NKAIN3: variants seen among roughly 807,000 people sequenced by gnomAD.
NKAIN3 encodes sodium/potassium-transporting ATPase subunit beta-1-interacting protein 3.
In NKAIN3, 25 loss-of-function variants were observed where a neutral mutation model predicts 30.2. The observed-to-expected ratio is 0.83, with a 90% confidence interval of 0.60 to 1.16. The LOEUF (loss-of-function observed/expected upper bound fraction) is 1.16, where lower values mean the gene tolerates loss of function less well. NKAIN3 is among the 50% of genes most tolerant of loss of function. NKAIN3 has a pLI of 0.00. For synonymous variants in NKAIN3, 91 were observed against 89.6 expected (o/e 1.02, Z -0.09); for missense variants, 225 against 254.1 (o/e 0.89, Z 0.78).
intron 1 of NKAIN3, among the ~76,000 whole-genome samples, chr8:62,375,759 T>A (rs4366075): frequency 0.14 from 20,866 of 152,202 alleles, 1,732 homozygotes; most frequent in East Asian, 0.4. Context: ...TTAAAATGCT[T>A]AATTTACATG....
At chr8:62,560,786 C>T (rs1259907737) in intron 1 of NKAIN3, among the ~76,000 whole-genome samples, 3 of 151,900 alleles carry the variant, frequency 2.0e-5, no homozygotes, top group African/African-American at 4.8e-5. Context: ...GGTAATACAC[C>T]CGTCTCGGCC....
intron 5 of NKAIN3, among the ~76,000 whole-genome samples, chr8:62,951,201 C>T (rs1430466304): frequency 1.3e-5 from 2 of 152,024 alleles, no homozygotes; most frequent in African/African-American, 4.8e-5. Context: ...CTACCAGCAC[C>T]TCTTCCCACC....
intron 1 of NKAIN3, among the ~76,000 whole-genome samples, chr8:62,277,046 T>C (rs986735754): frequency 2.0e-5 from 3 of 152,178 alleles, no homozygotes; most frequent in African/African-American, 7.2e-5. Context: ...TTAAATTTTA[T>C]TGATCACTGG....
chr8:62,598,058 G>C (rs144017956), intron 3 of NKAIN3, among the ~76,000 whole-genome samples: 2 of 151,916 alleles, frequency 1.3e-5, no homozygotes, highest in Non-Finnish European at 2.9e-5. Context: ...ATATTCTTGG[G>C]TATCACTTGA....
chr8:62,762,897 C>G (rs528027509), intron 4 of NKAIN3, among the ~76,000 whole-genome samples: 1 of 151,752 alleles, frequency 6.6e-6, no homozygotes, highest in Non-Finnish European at 1.5e-5. Flanking sequence ...AAAAAAAATT[C>G]AATAATTAGA....
chr8:62,291,822 T>C (rs1015882238), intron 1 of NKAIN3, among the ~76,000 whole-genome samples: 1 of 152,194 alleles, frequency 6.6e-6, no homozygotes, highest in African/African-American at 2.4e-5. Flanking sequence ...ATCTGTCTAA[T>C]GTTGACCGTG....
intron 4 of NKAIN3, chr8:62,855,146 C>T (rs764090657): frequency 4.3e-6 from 1 of 233,306 alleles, no homozygotes; most frequent in East Asian, 1.1e-4. Flanking sequence ...AGGACTACAC[C>T]TTCACCGTGG....
At chr8:62,392,872 T>C (rs1288664812) in intron 1 of NKAIN3, among the ~76,000 whole-genome samples, 1 of 152,048 alleles carries the variant, frequency 6.6e-6, no homozygotes, top group Non-Finnish European at 1.5e-5. Context: ...ATATATGACT[T>C]AGAGATAAGG....
At position 62,966,266 on chromosome 8, in the gene NKAIN3, AT is replaced by A. The variant is rs1451808762; in HGVS notation, c.*860del. 1.0e-6 allele frequency: 1 copy of A among 985,194 alleles called. No homozygotes were observed. Among genetic ancestry groups the A allele is most frequent in the Non-Finnish European group, 1.2e-6 (1 of 829,876 alleles). The allele number at this position is 985,194 out of a possible 1,614,324, so 61.0% of individuals were successfully genotyped here. A position where few individuals can be genotyped will look rare whatever the true frequency, so the allele number is the denominator to read the frequency against. ...TAGGATATTCAAAAGAAGCCTGAAAATGCTGTAGCATTCTCTATAAATACTT... is the reference window on the plus strand; with the variant it reads ...TAGGATATTCAAAAGAAGCCTGAAAAGCTGTAGCATTCTCTATAAATACTT... On this transcript the variant is annotated 3_prime_UTR_variant, in exon 7 of 7. Transcript: ENST00000623646.
intron 5 of NKAIN3, among the ~76,000 whole-genome samples, chr8:62,949,014 C>T (rs1823205149): frequency 6.6e-6 from 1 of 152,226 alleles, no homozygotes; most frequent in Non-Finnish European, 1.5e-5. Flanking sequence ...GAAACATTAG[C>T]ACTTAGACTG....
At chr8:62,291,837 G>A (rs1813648311) in intron 1 of NKAIN3, among the ~76,000 whole-genome samples, 1 of 152,166 alleles carries the variant, frequency 6.6e-6, no homozygotes, top group South Asian at 2.1e-4. Flanking sequence ...ACCGTGGGAT[G>A]TGAAAGTCTC....
intron 1 of NKAIN3, among the ~76,000 whole-genome samples, chr8:62,562,947 T>TG (rs1809634362): frequency 6.6e-6 from 1 of 152,100 alleles, no homozygotes. Flanking sequence ...TGTCGTCTCA[T>TG]GCTGGGTTGC....
intron 4 of NKAIN3, among the ~76,000 whole-genome samples, chr8:62,758,620 AAGAGCTGGGTTGACAGAGTAAATGAGTTC>A (rs1246754195): frequency 1.6e-4 from 24 of 152,282 alleles, no homozygotes; most frequent in African/African-American, 5.1e-4. Flanking sequence ...AGCTGGGAGA[AAGAGCTGGGTTGACAGAGTAAATGAGTTC>A]AGAGCTGGGT....
chr8:62,846,324 CA>C (rs1819687570), intron 4 of NKAIN3, among the ~76,000 whole-genome samples: 1 of 151,550 alleles, frequency 6.6e-6, no homozygotes, highest in Non-Finnish European at 1.5e-5. Context: ...TTTTTATTTC[CA>C]ACTTTTATTT....
rs549972984 is a variant in NKAIN3, at chr8:62,580,921, T to G, written c.192+1245T>G. On this transcript the variant is annotated intron_variant, in intron 2 of 6. Transcript: ENST00000623646. ...GCTAGGGTTTTTATATATATATATA[T>G]ATATAGAAATCCAGTGTCTACAAAA... is the stretch of plus-strand genomic sequence containing the variant. Among the ~76,000 whole-genome samples, 137 of 147,964 alleles carry G rather than the reference T, an allele frequency of 9.3e-4. 1 individual carries two copies. Among genetic ancestry groups the G allele is most frequent in the African/African-American group, 3.2e-3 (131 of 40,510 alleles).
intron 3 of NKAIN3, among the ~76,000 whole-genome samples, chr8:62,703,156 AC>A (rs1814398645): frequency 6.6e-6 from 1 of 152,142 alleles, no homozygotes; most frequent in Non-Finnish European, 1.5e-5. Context: ...AATTACCTGT[AC>A]CCTGCTAGCA....
At chr8:62,568,355 T>TA (rs1321397340) in intron 1 of NKAIN3, among the ~76,000 whole-genome samples, 2 of 152,186 alleles carry the variant, frequency 1.3e-5, no homozygotes, top group Non-Finnish European at 2.9e-5. Context: ...TTAATAAATA[T>TA]AAAAAATTGA....
chr8:62,381,400 G>A lies in NKAIN3; in HGVS notation c.54+132273G>A, dbSNP rs117585889. On this transcript the variant is annotated intron_variant, in intron 1 of 6. Coordinates refer to ENST00000623646, the MANE Select transcript of NKAIN3 (RefSeq NM_001304533.3). ...TGCATTTAAATCTTCTTTATAAAGG[G>A]ATGCCCTTTACTATATTCTTCTCTA... Among the ~76,000 whole-genome samples the A allele has an allele frequency of 4.2e-3, 638 of 152,134 alleles. 2 individuals carry two copies. Among genetic ancestry groups the A allele is most frequent in the Non-Finnish European group, 7.3e-3 (494 of 67,996 alleles).
chr8:62,706,229 C>T (rs58151304), intron 3 of NKAIN3, among the ~76,000 whole-genome samples: 1,601 of 152,146 alleles, frequency 0.011, 26 homozygotes, highest in African/African-American at 0.034. Flanking sequence ...GATGAATCCC[C>T]ATGTTGTCAG....
Sources: gnomAD v4.1 joint callset for allele counts (sites outside exome capture counted in the v4.1 genomes callset) on GRCh38, gnomAD v4.1.1 for gene constraint, MANE v1.5 for transcripts, NCBI Gene and HGNC (gene_info 2026-07-23, HGNC 2026-07-21) for gene names.